Variants in DCC observed in about 807,000 individuals in gnomAD.
The protein encoded by DCC is DCC netrin 1 receptor, also known as netrin receptor DCC.
DCC carries 58 observed loss-of-function variants against 172.5 expected under a neutral mutation model. That is an observed-to-expected ratio of 0.34 (90% CI 0.27 to 0.42). The LOEUF (loss-of-function observed/expected upper bound fraction) is 0.42. Among genes scored for constraint, DCC ranks in the 10% least tolerant of loss-of-function variants. DCC has a pLI of 1.00. For missense variants in DCC, 1,740 were observed against 1,791.0 expected (o/e 0.97, Z 0.51); for synonymous variants, 709 against 644.5 (o/e 1.10, Z -1.52).
intron 25 of DCC, among the ~76,000 whole-genome samples, chr18:53,473,682 T>C (rs1246910841): frequency 6.6e-6 from 1 of 152,234 alleles, no homozygotes; most frequent in Non-Finnish European, 1.5e-5. Flanking sequence ...AAACAGCGAC[T>C]CAGACAGCTT....
chr18:52,731,499 C>A (rs1212338676), intron 1 of DCC, among the ~76,000 whole-genome samples: 11 of 152,178 alleles, frequency 7.2e-5, no homozygotes, highest in Admixed American at 6.5e-4. Context: ...AGCATGTCTC[C>A]CTCTATAGTG....
At chr18:53,307,866 A>G (rs1013182878) in intron 13 of DCC, among the ~76,000 whole-genome samples, 2 of 139,702 alleles carry the variant, frequency 1.4e-5, no homozygotes, top group East Asian at 2.1e-4. Context: ...GAAAATGTCC[A>G]TAACCCTTCT....
intron 1 of DCC, among the ~76,000 whole-genome samples, chr18:52,544,746 A>G (rs557359182): frequency 1.3e-5 from 2 of 152,310 alleles, no homozygotes; most frequent in Non-Finnish European, 2.9e-5. Context: ...AGATAGATGG[A>G]TTGATAGATT....
chr18:53,360,640 A>G (rs1338831139), intron 15 of DCC, among the ~76,000 whole-genome samples: 4 of 152,200 alleles, frequency 2.6e-5, no homozygotes, highest in African/African-American at 9.6e-5. Context: ...TAACTTGTAT[A>G]AATGAGAAGT....
chr18:52,634,028 A>G (rs1469512412), intron 1 of DCC, among the ~76,000 whole-genome samples: 1 of 152,192 alleles, frequency 6.6e-6, no homozygotes, highest in African/African-American at 2.4e-5. Flanking sequence ...ACATTCAGGG[A>G]GATGCAATAG....
At chr18:52,863,289 C>T (rs2039172386) in intron 2 of DCC, among the ~76,000 whole-genome samples, 1 of 151,860 alleles carries the variant, frequency 6.6e-6, no homozygotes. Flanking sequence ...TAGTTTTAAT[C>T]ATACATATTA....
rs761084639 is a variant in DCC at position 53,486,959 on chromosome 18, G to GT, written c.3898+2dup. 16 of 1,614,128 alleles carry GT rather than the reference G, an allele frequency of 9.9e-6. No individual in the cohort carries two copies. The East Asian group carries it at 3.6e-4, about 36-fold the overall frequency. ...GGTTTCGGAGCAGGAAGAAGTCAGTGTAATGCATTTTCCTCTCTTTTTAAT... is the reference window on the plus strand; with the variant it reads ...GGTTTCGGAGCAGGAAGAAGTCAGTGTTAATGCATTTTCCTCTCTTTTTAAT... On this transcript the variant is annotated splice_donor_variant, in intron 26 of 28. Transcript: ENST00000442544. LOFTEE classifies it high-confidence loss of function.
intron 14 of DCC, among the ~76,000 whole-genome samples, chr18:53,337,417 T>C (rs371222265): frequency 1.3e-5 from 2 of 152,264 alleles, no homozygotes; most frequent in South Asian, 4.1e-4. Flanking sequence ...CTGGTGAGAC[T>C]GTGGCAGTAG....
chr18:52,912,290 A>T (rs976169579), intron 3 of DCC, among the ~76,000 whole-genome samples: 12 of 150,926 alleles, frequency 8.0e-5, no homozygotes, highest in Non-Finnish European at 1.6e-4. Flanking sequence ...CAATGCCTGT[A>T]ACTTCAAAGT....
intron 1 of DCC, among the ~76,000 whole-genome samples, chr18:52,479,764 A>T (rs892230808): frequency 2.0e-5 from 3 of 152,120 alleles, no homozygotes; most frequent in Non-Finnish European, 4.4e-5. Flanking sequence ...ATAAAAAGAA[A>T]ATCAATAAGG....
rs552521274 is a variant in DCC, at chr18:52,389,616, C to T, written c.91+48738C>T. Among the ~76,000 whole-genome samples the T allele has an allele frequency of 3.3e-5, 5 of 151,852 alleles. No homozygotes were observed. In the South Asian group the frequency reaches 1.0e-3, roughly 32 times the overall value. On this transcript the variant is annotated intron_variant, in intron 1 of 28. Transcript: ENST00000442544. ...GTCATGCAAAAAGCAATATGGATTT[C>T]AGGAGAAAACTGATGGCACTTATAA... is the stretch of plus-strand genomic sequence containing the variant.
At chr18:52,513,381 T>C (rs977503748) in intron 1 of DCC, among the ~76,000 whole-genome samples, 4 of 150,760 alleles carry the variant, frequency 2.7e-5, no homozygotes, top group African/African-American at 9.8e-5. Flanking sequence ...TTCTTTTCCT[T>C]CTCTGTAAAA....
chr18:53,240,997 G>A (rs1287937368), intron 12 of DCC, among the ~76,000 whole-genome samples: 4 of 152,088 alleles, frequency 2.6e-5, no homozygotes, highest in Admixed American at 2.6e-4. Flanking sequence ...AATGTGCTGG[G>A]GAGTTGGAAA....
chr18:52,980,744 T>G (rs946476418), intron 5 of DCC, among the ~76,000 whole-genome samples: 1 of 151,876 alleles, frequency 6.6e-6, no homozygotes, highest in African/African-American at 2.4e-5. Context: ...ATTCAGTGGT[T>G]AAAGTTCTCT....
At chr18:53,154,660 G>A (rs1445748555) in intron 7 of DCC, among the ~76,000 whole-genome samples, 1 of 152,074 alleles carries the variant, frequency 6.6e-6, no homozygotes, top group African/African-American at 2.4e-5. Context: ...CAATAGTGTG[G>A]GTAGATTAAT....
chr18:53,392,465 T>G (rs903334524), intron 17 of DCC, among the ~76,000 whole-genome samples: 4 of 152,196 alleles, frequency 2.6e-5, no homozygotes, highest in Non-Finnish European at 5.9e-5. Flanking sequence ...AGCTCTCTGT[T>G]CTTGTCCTTA....
chr18:52,461,029 A>AT (rs1988613320), intron 1 of DCC, among the ~76,000 whole-genome samples: 1 of 152,324 alleles, frequency 6.6e-6, no homozygotes, highest in African/African-American at 2.4e-5. Flanking sequence ...TAAACTTTTA[A>AT]TTTTTTTAAC....
chr18:53,249,449 T>C (rs2056402863), intron 12 of DCC, among the ~76,000 whole-genome samples: 1 of 151,918 alleles, frequency 6.6e-6, no homozygotes, highest in Admixed American at 6.6e-5. Context: ...TCAAGGGCTA[T>C]GTCTACGACC....
At chr18:53,138,036 C>A (rs1257070520) in intron 7 of DCC, among the ~76,000 whole-genome samples, 1 of 151,876 alleles carries the variant, frequency 6.6e-6, no homozygotes, top group Non-Finnish European at 1.5e-5. Context: ...CAATGTTACC[C>A]AGGGTGGTCT....
Sources: gnomAD v4.1 joint callset for allele counts (sites outside exome capture counted in the v4.1 genomes callset) on GRCh38, gnomAD v4.1.1 for gene constraint, MANE v1.5 for transcripts, NCBI Gene and HGNC (gene_info 2026-07-23, HGNC 2026-07-21) for gene names.